PPM1L: variants seen among roughly 807,000 people sequenced by gnomAD.
PPM1L encodes protein phosphatase 1L.
Under a neutral mutation model 31.4 loss-of-function variants are expected in PPM1L, and 13 were observed. That is an observed-to-expected ratio of 0.41 (90% CI 0.27 to 0.66). PPM1L has a LOEUF of 0.66. Among genes scored for constraint, PPM1L ranks in the 30% least tolerant of loss-of-function variants. The pLI is 0.29. For synonymous variants in PPM1L, 184 were observed against 175.4 expected, an observed-to-expected ratio of 1.05 and a Z score of -0.39; for missense variants, 326 against 453.7, an observed-to-expected ratio of 0.72 and a Z score of 2.56.
intron 1 of PPM1L, among the ~76,000 whole-genome samples, chr3:160,954,226 A>C (rs1241842648): frequency 1.3e-5 from 2 of 152,156 alleles, no homozygotes; most frequent in African/African-American, 4.8e-5. Context: ...ATATTGTTTT[A>C]TTTTATAGAA....
At chr3:160,977,084 C>T (rs11708076) in intron 2 of PPM1L, among the ~76,000 whole-genome samples, 56,793 of 152,022 alleles carry the variant, frequency 0.37, 12,975 homozygotes, top group Non-Finnish European at 0.52. Flanking sequence ...TCTTTGTTCT[C>T]GTTGGTTTCA....
chr3:160,921,208 T>G (rs1277594766), intron 1 of PPM1L, among the ~76,000 whole-genome samples: 1 of 152,198 alleles, frequency 6.6e-6, no homozygotes, highest in Admixed American at 6.5e-5. Context: ...GCAGTTACCC[T>G]TTTAAATCAC....
chr3:160,798,546 G>A (rs564369489), intron 1 of PPM1L, among the ~76,000 whole-genome samples: 15 of 152,280 alleles, frequency 9.9e-5, no homozygotes, highest in African/African-American at 3.6e-4. Context: ...TAGCACATCT[G>A]TTCACAGCAT....
At chr3:160,981,744 ATTT>A (rs1716807059) in intron 2 of PPM1L, among the ~76,000 whole-genome samples, 1 of 148,034 alleles carries the variant, frequency 6.8e-6, no homozygotes, top group South Asian at 2.1e-4. Context: ...TTATTTATTT[ATTT>A]ATTTATTTAT....
chr3:160,938,694 C>T (rs1170039463), intron 1 of PPM1L, among the ~76,000 whole-genome samples: 1 of 152,096 alleles, frequency 6.6e-6, no homozygotes, highest in Non-Finnish European at 1.5e-5. Flanking sequence ...TCCCTTTAGC[C>T]CACTCCCCTG....
intron 1 of PPM1L, among the ~76,000 whole-genome samples, chr3:160,781,088 G>A (rs751671852): frequency 6.6e-6 from 1 of 151,962 alleles, no homozygotes; most frequent in African/African-American, 2.4e-5. Context: ...ACAGGTATAC[G>A]TTGCTATTCT....
At chr3:161,006,904 G>A (rs555728343) in intron 2 of PPM1L, among the ~76,000 whole-genome samples, 45 of 152,054 alleles carry the variant, frequency 3.0e-4, no homozygotes, top group African/African-American at 9.9e-4. Flanking sequence ...GGATGGTCTC[G>A]ATCTCCTGAC....
At chr3:161,037,981 C>T (rs1198802218) in intron 2 of PPM1L, among the ~76,000 whole-genome samples, 1 of 151,912 alleles carries the variant, frequency 6.6e-6, no homozygotes, top group South Asian at 2.1e-4. Flanking sequence ...CGCCTGTAAT[C>T]CCAGCACTTT....
At chr3:160,967,932 T>C (rs1716207783) in intron 2 of PPM1L, among the ~76,000 whole-genome samples, 1 of 152,100 alleles carries the variant, frequency 6.6e-6, no homozygotes, top group Admixed American at 6.6e-5. Flanking sequence ...CTTATGACAA[T>C]GGAACACTCA....
chr3:160,798,921 A>G (rs1332824628), intron 1 of PPM1L, among the ~76,000 whole-genome samples: 1 of 152,232 alleles, frequency 6.6e-6, no homozygotes, highest in Non-Finnish European at 1.5e-5. Context: ...AGGTCAAAAT[A>G]TCAACATTAA....
intron 1 of PPM1L, among the ~76,000 whole-genome samples, chr3:160,950,507 C>CT (rs1346765889): frequency 1.3e-5 from 2 of 152,106 alleles, no homozygotes; most frequent in Non-Finnish European, 2.9e-5. Flanking sequence ...TTTGAAGGCA[C>CT]TTCTTAAAGT....
chr3:160,995,385 A>G (rs758025405), intron 2 of PPM1L, among the ~76,000 whole-genome samples: 5 of 152,066 alleles, frequency 3.3e-5, no homozygotes, highest in Non-Finnish European at 7.4e-5. Context: ...AAATGGCACA[A>G]TCTCGACTTA....
intron 1 of PPM1L, among the ~76,000 whole-genome samples, chr3:160,910,128 C>G (rs936700978): frequency 2.0e-5 from 3 of 152,188 alleles, no homozygotes; most frequent in Non-Finnish European, 4.4e-5. Context: ...ATGATGACTT[C>G]TCAATCTTGA....
chr3:160,853,961 T>C (rs1711599072), intron 1 of PPM1L, among the ~76,000 whole-genome samples: 1 of 152,170 alleles, frequency 6.6e-6, no homozygotes, highest in East Asian at 1.9e-4. Flanking sequence ...CCTACACAAG[T>C]AGGTACTTAT....
chr3:160,941,807 G>T (rs1715172454), intron 1 of PPM1L, among the ~76,000 whole-genome samples: 1 of 152,180 alleles, frequency 6.6e-6, no homozygotes, highest in South Asian at 2.1e-4. Context: ...TTCCTTAAGT[G>T]ATAAGCTCTT....
chr3:161,006,942 A>T (rs1424793685), intron 2 of PPM1L, among the ~76,000 whole-genome samples: 1 of 152,106 alleles, frequency 6.6e-6, no homozygotes, highest in Non-Finnish European at 1.5e-5. Context: ...TCAGCCTCCC[A>T]AAGTGCTGGG....
chr3:161,064,398 T>G (rs546390065), intron 2 of PPM1L, among the ~76,000 whole-genome samples: 81 of 152,242 alleles, frequency 5.3e-4, no homozygotes, highest in African/African-American at 1.8e-3. Flanking sequence ...CGGTCTTTTT[T>G]GTTGTTCCAT....
chr3:161,015,588 C>A (rs1559925549), intron 2 of PPM1L, among the ~76,000 whole-genome samples: 1 of 152,208 alleles, frequency 6.6e-6, no homozygotes. Context: ...TCCTGTGGCA[C>A]ACAGCCGAGA....
chr3:160,884,713 T>C (rs1246484349), intron 1 of PPM1L, among the ~76,000 whole-genome samples: 1 of 152,248 alleles, frequency 6.6e-6, no homozygotes, highest in Non-Finnish European at 1.5e-5. Flanking sequence ...GGGGCCACTT[T>C]CATAAATATT....
Sources: allele counts gnomAD v4.1 joint callset (sites outside exome capture counted in the v4.1 genomes callset), GRCh38; gene constraint gnomAD v4.1.1; transcripts MANE v1.5; gene names NCBI Gene and HGNC (gene_info 2026-07-23, HGNC 2026-07-21).